The following CCDC148 variants were observed in gnomAD, a reference collection of about 807,000 sequenced individuals.
CCDC148 encodes the protein coiled-coil domain containing 148.
In CCDC148, 89 loss-of-function variants were observed where a neutral mutation model predicts 85.7. That is an observed-to-expected ratio of 1.04 (90% CI 0.87 to 1.24). The LOEUF (loss-of-function observed/expected upper bound fraction) is 1.24. Ranked by LOEUF, CCDC148 falls within the 50% of genes most tolerant of loss-of-function variation. The probability of loss-of-function intolerance (pLI) is 0.00; values close to 1 mark genes in which losing one functional copy is unlikely to be tolerated. For missense variants in CCDC148, 692 were observed against 671.7 expected, an observed-to-expected ratio of 1.03 and a Z score of -0.33; for synonymous variants, 230 against 213.9, an observed-to-expected ratio of 1.08 and a Z score of -0.66.
intron 7 of CCDC148, among the ~76,000 whole-genome samples, chr2:158,331,560 C>T (rs942021535): frequency 1.9e-4 from 29 of 151,918 alleles, no homozygotes; most frequent in Non-Finnish European, 4.1e-4. Flanking sequence ...CCTGGGTATT[C>T]TTGTTGACTT....
chr2:158,358,312 C>T, intron 2 of CCDC148, 137 bp downstream of exon 2: 1 of 940,044 alleles, frequency 1.1e-6, no homozygotes, highest in Admixed American at 2.7e-5. Context: ...ATGTTAGCTG[C>T]TATTCACTAT....
chr2:158,209,044 T>C (rs1024023065), intron 11 of CCDC148, among the ~76,000 whole-genome samples: 8 of 151,840 alleles, frequency 5.3e-5, no homozygotes, highest in Non-Finnish European at 8.8e-5. Flanking sequence ...TGTATGTATA[T>C]TTATAAATAA....
intron 1 of CCDC148, among the ~76,000 whole-genome samples, chr2:158,374,240 G>A (rs569328026): frequency 1.4e-4 from 21 of 152,078 alleles, no homozygotes; most frequent in Admixed American, 8.5e-4. Flanking sequence ...GCAGTTGACC[G>A]GTGCCCCAGA....
At chr2:158,229,186 A>T (rs192484044) in intron 10 of CCDC148, among the ~76,000 whole-genome samples, 1 of 152,082 alleles carries the variant, frequency 6.6e-6, no homozygotes, top group Non-Finnish European at 1.5e-5. Flanking sequence ...TTATCATTGA[A>T]AACAGTTCCA....
rs764349131 is a variant in CCDC148 at position 158,176,670 on chromosome 2, G to T, written c.1489-9C>A. On this transcript the variant is annotated splice_polypyrimidine_tract_variant and intron_variant, in intron 12 of 13. Coordinates refer to ENST00000283233, the MANE Select transcript of CCDC148 (RefSeq NM_138803.4). The stretch of plus-strand genomic sequence containing the variant: ...TGAGCAACAACAGCAACCTAAAAAT[G>T]AGAAAGCATGGCTACTTGGAACAAG... 17 of 1,611,328 alleles carry T rather than the reference G, an allele frequency of 1.1e-5. No homozygotes were observed. The highest frequency in any genetic ancestry group is 1.4e-5 in the Non-Finnish European group (17 of 1,178,542).
At chr2:158,279,279 G>A (rs1690135025) in intron 9 of CCDC148, among the ~76,000 whole-genome samples, 1 of 152,222 alleles carries the variant, frequency 6.6e-6, no homozygotes, top group Non-Finnish European at 1.5e-5. Context: ...GCTGGACGGA[G>A]AATGACTTTG....
chr2:158,343,142 C>T (rs1431010864), intron 3 of CCDC148, among the ~76,000 whole-genome samples: 3 of 152,162 alleles, frequency 2.0e-5, no homozygotes, highest in African/African-American at 7.2e-5. Flanking sequence ...GCCTCAGCCT[C>T]CCACGTAGCT....
chr2:158,348,623 T>C (rs868580911), intron 2 of CCDC148, among the ~76,000 whole-genome samples: 1 of 151,978 alleles, frequency 6.6e-6, no homozygotes, highest in African/African-American at 2.4e-5. Flanking sequence ...CAGAAATATA[T>C]GTTGAAATAT....
intron 1 of CCDC148, among the ~76,000 whole-genome samples, chr2:158,360,218 C>A (rs564995877): frequency 6.6e-6 from 1 of 152,202 alleles, no homozygotes; most frequent in Admixed American, 6.5e-5. Context: ...TGGGACAGAG[C>A]ACTTGGAGGA....
At chr2:158,196,071 A>T (rs1043313182) in intron 11 of CCDC148, among the ~76,000 whole-genome samples, 1 of 152,148 alleles carries the variant, frequency 6.6e-6, no homozygotes, top group Non-Finnish European at 1.5e-5. Flanking sequence ...GCCACTTCAT[A>T]CTAGCTGGAG....
chr2:158,339,197 C>G (rs1682546604), intron 5 of CCDC148, 112 bp from the exon 6 acceptor site: 1 of 828,426 alleles, frequency 1.2e-6, no homozygotes, highest in South Asian at 1.7e-5. Context: ...AGTTTAAAGA[C>G]CTGTGGAAGA....
chr2:158,354,518 A>G (rs1429663051), intron 2 of CCDC148, among the ~76,000 whole-genome samples: 1 of 152,170 alleles, frequency 6.6e-6, no homozygotes, highest in Non-Finnish European at 1.5e-5. Flanking sequence ...CTCTCCCAAG[A>G]CTAAACCAGG....
chr2:158,310,413 G>A (rs1301206890), intron 8 of CCDC148, among the ~76,000 whole-genome samples: 1 of 152,150 alleles, frequency 6.6e-6, no homozygotes, highest in Non-Finnish European at 1.5e-5. Context: ...TCCTCATCAT[G>A]GCCCGTTCTC....
At chr2:158,247,103 T>G (rs1420371226) in intron 10 of CCDC148, among the ~76,000 whole-genome samples, 1 of 152,200 alleles carries the variant, frequency 6.6e-6, no homozygotes, top group Non-Finnish European at 1.5e-5. Context: ...TGAAAATACA[T>G]GCAACCCATA....
rs377599792 is a variant in CCDC148 at position 158,433,774 on chromosome 2, T to C, written c.25+22641A>G. On this transcript the variant is annotated intron_variant, in intron 1 of 13. Coordinates refer to ENST00000283233, the MANE Select transcript of CCDC148 (RefSeq NM_138803.4). ...CTGGAAAATCAGGACACTCACATCC[T>C]AATACTGCGCTTTTCCAAGGGTCTT... is the stretch of plus-strand genomic sequence containing the variant. Among the ~76,000 whole-genome samples, 11 of 152,314 alleles carry C rather than the reference T, an allele frequency of 7.2e-5. No individual in the cohort carries two copies. In the East Asian group the frequency reaches 1.5e-3, roughly 21 times the overall value.
intron 10 of CCDC148, among the ~76,000 whole-genome samples, chr2:158,238,175 G>T (rs893353952): frequency 6.6e-6 from 1 of 152,036 alleles, no homozygotes; most frequent in Non-Finnish European, 1.5e-5. Flanking sequence ...ATAGATGAAG[G>T]TCATAATGGT....
rs1282477283 is a variant in CCDC148, at chr2:158,361,683, A to G, written c.26-3113T>C. ...AGAGCTCCTGAAGGAAGCACTAAAC[A>G]TGGAAAGGAACAACCGGTACCAGCC... On this transcript the variant is annotated intron_variant, in intron 1 of 13. Transcript: ENST00000283233. Among the ~76,000 whole-genome samples, 8 of 152,180 alleles carry G rather than the reference A, an allele frequency of 5.3e-5. No homozygotes were observed. The South Asian group carries it at 1.7e-3, about 32-fold the overall frequency.
At chr2:158,310,350 ATCTC>A (rs905663421) in intron 8 of CCDC148, among the ~76,000 whole-genome samples, 2 of 152,176 alleles carry the variant, frequency 1.3e-5, no homozygotes, top group Admixed American at 1.3e-4. Flanking sequence ...TAACAATCTG[ATCTC>A]TCTTTCTTTT....
chr2:158,442,335 T>C (rs1687969885), intron 1 of CCDC148, among the ~76,000 whole-genome samples: 1 of 152,164 alleles, frequency 6.6e-6, no homozygotes, highest in Non-Finnish European at 1.5e-5. Flanking sequence ...TCAACTGGAA[T>C]AATATTATAA....
Sources: gnomAD v4.1 joint callset for allele counts (sites outside exome capture counted in the v4.1 genomes callset) on GRCh38, gnomAD v4.1.1 for gene constraint, MANE v1.5 for transcripts, NCBI Gene and HGNC (gene_info 2026-07-23, HGNC 2026-07-21) for gene names.